SOX5: variants seen among roughly 807,000 people sequenced by gnomAD.
SOX5 encodes SRY-box transcription factor 5.
A neutral mutation model predicts 92.0 loss-of-function variants in SOX5; 9 were observed. The observed-to-expected ratio is 0.10, with a 90% CI of 0.06 to 0.17. SOX5 has a LOEUF of 0.17. SOX5 is among the 10% of genes least tolerant of loss of function. The pLI, the probability that SOX5 is intolerant of heterozygous loss-of-function variation, is 1.00. For missense variants in SOX5, 642 were observed against 944.5 expected, an observed-to-expected ratio of 0.68 and a Z score of 4.20; for synonymous variants, 344 against 336.3, an observed-to-expected ratio of 1.02 and a Z score of -0.25.
At chr12:23,723,032 G>T (rs2092907230) in intron 6 of SOX5, among the ~76,000 whole-genome samples, 1 of 152,106 alleles carries the variant, frequency 6.6e-6, no homozygotes. Flanking sequence ...AAATTTTATT[G>T]TTATCTCTTG....
chr12:24,428,424 C>G (rs966769390), intron 1 of SOX5, among the ~76,000 whole-genome samples: 5 of 152,060 alleles, frequency 3.3e-5, no homozygotes, highest in Admixed American at 1.3e-4. Context: ...CCTTTCATAG[C>G]AAAGATCAAC....
chr12:23,922,998 T>G (rs1938823056), intron 1 of SOX5, among the ~76,000 whole-genome samples: 1 of 150,826 alleles, frequency 6.6e-6, no homozygotes, highest in African/African-American at 2.4e-5. Flanking sequence ...CAGGCTGGAG[T>G]GCAGTGGCGC....
At chr12:23,950,997 A>T, upstream of SOX5, 4 of 779,630 alleles carry the variant, frequency 5.1e-6, no homozygotes, top group Non-Finnish European at 6.4e-6. Flanking sequence ...ACACACACAC[A>T]CACACACTCA....
At position 23,948,185 on chromosome 12, in the gene SOX5, C is replaced by T. The variant is rs1225792289; in HGVS notation, c.38+1379G>A. Among the ~76,000 whole-genome samples the T allele has an allele frequency of 1.3e-5, 2 of 150,140 alleles. 1 individual carries two copies. Among genetic ancestry groups the T allele is most frequent in the Non-Finnish European group, 3.0e-5 (2 of 67,550 alleles). On this transcript the variant is annotated intron_variant, in intron 1 of 14. Transcript: ENST00000451604. The stretch of plus-strand genomic sequence containing the variant: ...AAACTGTTAAGAAAGCTCAAACATT[C>T]GCTGGAATTATCTAGTAAAGATGCA...
intron 8 of SOX5, among the ~76,000 whole-genome samples, chr12:23,626,587 G>A (rs1003673452): frequency 6.6e-6 from 1 of 150,456 alleles, no homozygotes; most frequent in African/African-American, 2.4e-5. Context: ...ATGAATAAAT[G>A]TGTCCATGAA....
At chr12:23,916,707 A>T (rs1224886532) in intron 1 of SOX5, among the ~76,000 whole-genome samples, 4 of 152,216 alleles carry the variant, frequency 2.6e-5, no homozygotes, top group African/African-American at 9.6e-5. Context: ...TAAATAATCA[A>T]TGTAGCCTTT....
intron 4 of SOX5, among the ~76,000 whole-genome samples, chr12:24,070,887 TA>T (rs1941670843): frequency 6.6e-6 from 1 of 152,160 alleles, no homozygotes; most frequent in South Asian, 2.1e-4. Context: ...CCACCAGGGG[TA>T]ACCTCCATAG....
At position 23,595,532 on chromosome 12, in the gene SOX5, TG is replaced by T. The variant is rs1278864581; in HGVS notation, c.1164+8854del. On this transcript the variant is annotated intron_variant, in intron 9 of 14. Coordinates refer to ENST00000451604, the MANE Select transcript of SOX5 (RefSeq NM_006940.6). Reference sequence around the variant, plus strand: ...TACTTGAGAGGCTGAGGCAGGAGAATGGTGTGAACCCGGGAGGCGGAGCTTG... The same window carrying T: ...TACTTGAGAGGCTGAGGCAGGAGAATGTGTGAACCCGGGAGGCGGAGCTTG... Among the ~76,000 whole-genome samples, 5 of 141,084 alleles carry T rather than the reference TG, an allele frequency of 3.5e-5. No individual in the cohort carries two copies. The Admixed American group carries it at 4.0e-4, about 11-fold the overall frequency. 92.6% of individuals were successfully genotyped at this position (141,084 alleles called of 152,430 possible). A position where few individuals can be genotyped will look rare whatever the true frequency, so the allele number is the denominator to read the frequency against.
chr12:23,893,943 T>C (rs990588191), intron 2 of SOX5, among the ~76,000 whole-genome samples: 1 of 152,180 alleles, frequency 6.6e-6, no homozygotes, highest in African/African-American at 2.4e-5. Context: ...ATAATCAGAA[T>C]ATGAAATATG....
intron 6 of SOX5, among the ~76,000 whole-genome samples, chr12:23,716,635 G>GA (rs1451574993): frequency 2.0e-5 from 3 of 152,046 alleles, no homozygotes; most frequent in Admixed American, 6.6e-5. Flanking sequence ...AGCACAAGAG[G>GA]AAAAAATAGA....
chr12:23,852,447 T>A (rs2096643490), intron 2 of SOX5, among the ~76,000 whole-genome samples: 1 of 152,170 alleles, frequency 6.6e-6, no homozygotes, highest in African/African-American at 2.4e-5. Flanking sequence ...CTTATGTATT[T>A]TGGGACAGTG....
intron 1 of SOX5, among the ~76,000 whole-genome samples, chr12:23,917,994 A>G (rs2097435520): frequency 6.6e-6 from 1 of 152,202 alleles, no homozygotes; most frequent in South Asian, 2.1e-4. Flanking sequence ...TATAAATTAT[A>G]CAGTATACGT....
intron 1 of SOX5, among the ~76,000 whole-genome samples, chr12:24,394,284 A>G (rs1262712462): frequency 2.6e-5 from 4 of 152,202 alleles, no homozygotes; most frequent in Non-Finnish European, 5.9e-5. Context: ...ACTATAGCCG[A>G]GAGAAGCCAA....
intron 8 of SOX5, among the ~76,000 whole-genome samples, chr12:23,624,074 T>A (rs933037511): frequency 2.0e-5 from 3 of 152,016 alleles, no homozygotes; most frequent in Non-Finnish European, 4.4e-5. Context: ...GTTAAATGAA[T>A]AAAATCAGAT....
At chr12:23,634,705 C>G (rs932110112) in intron 8 of SOX5, among the ~76,000 whole-genome samples, 1 of 152,136 alleles carries the variant, frequency 6.6e-6, no homozygotes, top group Admixed American at 6.6e-5. Context: ...TATAAAATTT[C>G]AACATTATCT....
intron 4 of SOX5, among the ~76,000 whole-genome samples, chr12:24,086,201 T>C (rs1943976834): frequency 6.6e-6 from 1 of 151,962 alleles, no homozygotes; most frequent in Non-Finnish European, 1.5e-5. Context: ...GTACATTTTT[T>C]TTTTCATTGT....
At chr12:24,216,107 T>C (rs528147135) in intron 3 of SOX5, among the ~76,000 whole-genome samples, 12 of 152,320 alleles carry the variant, frequency 7.9e-5, no homozygotes, top group African/African-American at 2.4e-4. Context: ...CCCTGAGTGA[T>C]AGATGTGCCT....
At chr12:23,792,659 A>AAAAAAAAAAAAAAAAC (rs2095496767) in intron 3 of SOX5, among the ~76,000 whole-genome samples, 2 of 132,460 alleles carry the variant, frequency 1.5e-5, no homozygotes, top group African/African-American at 5.5e-5. Context: ...AAAAAAAAAA[A>AAAAAAAAAAAAAAAAC]AAACTTGGAC....
At chr12:23,835,225 A>C (rs12311720) in intron 3 of SOX5, among the ~76,000 whole-genome samples, 56,519 of 151,564 alleles carry the variant, frequency 0.37, 11,560 homozygotes, top group East Asian at 0.78. Flanking sequence ...TTTAAAACTA[A>C]GATGGTAACA....
Sources: gnomAD v4.1 joint callset for allele counts (sites outside exome capture counted in the v4.1 genomes callset) on GRCh38, gnomAD v4.1.1 for gene constraint, MANE v1.5 for transcripts, NCBI Gene and HGNC (gene_info 2026-07-23, HGNC 2026-07-21) for gene names.